TLN1: variants seen among roughly 807,000 people sequenced by gnomAD.
TLN1 encodes talin-1.
A neutral mutation model predicts 292.3 loss-of-function variants in TLN1; 56 were observed. The ratio of observed to expected loss-of-function variants is 0.19; its 90% CI spans 0.15 to 0.24. The LOEUF (loss-of-function observed/expected upper bound fraction) is 0.24. Among genes scored for constraint, TLN1 ranks in the 10% least tolerant of loss-of-function variants. TLN1 has a pLI of 1.00. For synonymous variants in TLN1, 1,119 were observed against 1,253.7 expected, an observed-to-expected ratio of 0.89 and a Z score of 2.27; for missense variants, 2,433 against 3,248.2, an observed-to-expected ratio of 0.75 and a Z score of 6.10.
Position 35,719,474 on chromosome 9 carries a change from AC to A in TLN1, c.1687+44del. ...CACATGCATGCCTGTGCACACTTGCACCCCCTCTCCCCATCACACACCCGGA... is the reference window on the plus strand; with the variant it reads ...CACATGCATGCCTGTGCACACTTGCACCCCTCTCCCCATCACACACCCGGA... On this transcript the variant is annotated intron_variant, in intron 15 of 56. Transcript: ENST00000314888. This position sits in a 1 kb window ranked among gnomAD's most constrained non-coding sequence, Gnocchi z 4.6. 1 of 1,550,892 alleles carries A rather than the reference AC, an allele frequency of 6.4e-7. No individual in the cohort carries two copies. Among genetic ancestry groups the A allele is most frequent in the Non-Finnish European group, 8.9e-7 (1 of 1,123,664 alleles).
Position 35,706,849 on chromosome 9 carries a change from G to C in TLN1, c.5007C>G (p.Asn1669Lys). The C allele has an allele frequency of 6.2e-7, 1 of 1,614,036 alleles. No homozygotes were observed. Among genetic ancestry groups the C allele is most frequent in the Non-Finnish European group, 8.5e-7 (1 of 1,180,034 alleles). Reference sequence around the variant, plus strand: ...CCTGGTCTAGGTCCCGTAGACAACTGTTCAGAGCTGCAATGGCCGTTTCAC... The same window carrying C: ...CCTGGTCTAGGTCCCGTAGACAACTCTTCAGAGCTGCAATGGCCGTTTCAC... ...LECETAIAAL[N>K]SCLRDLDQAS... The change falls in exon 38 of 57, where the codon AAC (asparagine) becomes AAG (lysine). Residue 1669 changes from asparagine to lysine, a missense_variant. Physicochemically the swap from Asn to Lys is moderately conservative, Grantham distance 94. Around this residue, in one of 7 missense-constraint regions of TLN1, gnomAD observed 1,384 missense variants for 1,699.6 expected, o/e 0.81. Coordinates refer to ENST00000314888, the MANE Select transcript of TLN1 (RefSeq NM_006289.4). The surrounding 1 kb of genome is among the most constrained non-coding windows in gnomAD (Gnocchi z 4.2).
At chr9:35,723,111 T>A (rs1025727691) in intron 7 of TLN1, 190 bp from the exon 8 acceptor site, 2 of 475,326 alleles carry the variant, frequency 4.2e-6, no homozygotes, top group Non-Finnish European at 7.6e-6. Flanking sequence ...CTCTTCTTTT[T>A]TTTTTTTGAG....
chr9:35,724,892 G>A lies in TLN1; in HGVS notation c.296C>T (p.Thr99Met). The A allele has an allele frequency of 1.9e-6, 3 of 1,614,158 alleles. No individual in the cohort carries two copies. Among genetic ancestry groups the A allele is most frequent in the Non-Finnish European group, 2.5e-6 (3 of 1,180,032 alleles). ...KIRMLDGTVK[T>M]IMVDDSKTVT... ...AGTCTTAGAGTCATCCACCATGATC[G>A]TCTTCACAGTTCCATCCAGCATACG... The change falls in exon 4 of 57, where the codon ACG becomes ATG. Residue 99 changes from threonine (T) to methionine (M), a missense_variant. Thr to Met is a moderately conservative substitution (Grantham distance 81). Transcript: ENST00000314888. The surrounding 1 kb of genome is among the most constrained non-coding windows in gnomAD (Gnocchi z 4.7).
In TLN1 at chr9:35,717,224, G is replaced by A. The variant is rs755683252; in HGVS notation, c.2380C>T (p.Pro794Ser). The part of the protein sequence containing the change: ...HVKAHATGAG[P>S]AGRYDQATDT... The stretch of plus-strand genomic sequence containing the variant: ...GTAGCCTGGTCATAACGGCCAGCAG[G>A]CCCAGCCCCTGTGGCATGGGCTTTC... The change falls in exon 19 of 57, where the codon CCT becomes TCT. Residue 794 changes from proline to serine, a missense_variant. Physicochemically the swap from Pro to Ser is moderately conservative, Grantham distance 74 (BLOSUM62 -1). Transcript: ENST00000314888. This position sits in a 1 kb window ranked among gnomAD's most constrained non-coding sequence, Gnocchi z 4.7. 1.2e-6 allele frequency: 2 copies of A among 1,614,116 alleles called. No homozygotes were observed. The highest frequency in any genetic ancestry group is 2.2e-5 in the South Asian group (2 of 91,088).
Position 35,719,632 on chromosome 9 carries a change from AAG to A in TLN1, c.1579-7_1579-6del, listed in dbSNP as rs752353207. Reference sequence around the variant, plus strand: ...TTTACGCCAGGCCTTAGAGGCCTGAAAGAGAGAGGAAAAGCCTTCAGGATCTG... The same window carrying A: ...TTTACGCCAGGCCTTAGAGGCCTGAAAGAGAGGAAAAGCCTTCAGGATCTG... On this transcript the variant is annotated splice_polypyrimidine_tract_variant and splice_region_variant and intron_variant, in intron 14 of 56. Coordinates refer to ENST00000314888, the MANE Select transcript of TLN1 (RefSeq NM_006289.4). This position sits in a 1 kb window ranked among gnomAD's most constrained non-coding sequence, Gnocchi z 4.6. The A allele has an allele frequency of 1.2e-5, 19 of 1,613,632 alleles. No individual in the cohort carries two copies. In the Admixed American group the frequency reaches 2.2e-4, roughly 18 times the overall value.
At chr9:35,730,956 G>A (rs1826067606) in intron 1 of TLN1, among the ~76,000 whole-genome samples, 1 of 152,030 alleles carries the variant, frequency 6.6e-6, no homozygotes, top group South Asian at 2.1e-4. Context: ...TGTACATCCT[G>A]GGTCCCTATT....
At chr9:35,703,386 G>C (rs964508952) in intron 48 of TLN1, among the ~76,000 whole-genome samples, 174 bp downstream of exon 48, 1 of 152,178 alleles carries the variant, frequency 6.6e-6, no homozygotes, top group Non-Finnish European at 1.5e-5. Flanking sequence ...GGGCTGAGAA[G>C]GCTGGAGGAG....
chr9:35,702,585 C>T (rs756753915), intron 48 of TLN1, among the ~76,000 whole-genome samples: 2 of 152,050 alleles, frequency 1.3e-5, no homozygotes, highest in African/African-American at 2.4e-5. Context: ...CTCTGCCTCC[C>T]GGGTTCCAGC....
At position 35,719,565 on chromosome 9, in the gene TLN1, T is replaced by C. The variant is rs760115929; in HGVS notation, c.1641A>G (p.Val547=). The change falls in exon 15 of 57, where the codon GTA becomes GTG. Residue 547 remains valine, a synonymous_variant. Coordinates refer to ENST00000314888, the MANE Select transcript of TLN1 (RefSeq NM_006289.4). The surrounding 1 kb of genome is among the most constrained non-coding windows in gnomAD (Gnocchi z 4.6). ...ACGCAGTACCAGCTGTGATGGCATC[T>C]ACCTGAGAGTGGATCTCATGCTTTG... is the stretch of plus-strand genomic sequence containing the variant. ...DESKHEIHSQ[V]DAITAGTASV... The C allele has an allele frequency of 2.5e-6, 4 of 1,614,238 alleles. No individual in the cohort carries two copies. Among genetic ancestry groups the C allele is most frequent in the Non-Finnish European group, 3.4e-6 (4 of 1,180,042 alleles).
At position 35,698,323 on chromosome 9, in the gene TLN1, C is replaced by T. The variant is rs1279744162; in HGVS notation, c.7371G>A (p.Gln2457=). ...CAATGGGATGGGTCAGGGTTCTCAC[C>T]TGAAGTCGTTTCATTGCCTCCGAGT... The part of the protein sequence containing the change: ...DQDSEAMKRL[Q]AAGNAVKRAS... Residue 2457 remains glutamine (Q), a splice_region_variant and synonymous_variant, in exon 55 of 57, where the codon CAG becomes CAA. Transcript: ENST00000314888. The surrounding 1 kb of genome is among the most constrained non-coding windows in gnomAD (Gnocchi z 5.3). 6.2e-7 allele frequency: 1 copy of T among 1,613,956 alleles called. No individual in the cohort carries two copies. Among genetic ancestry groups the T allele is most frequent in the African/African-American group, 1.3e-5 (1 of 74,926 alleles).
chr9:35,709,886 C>CAAAAAAAAAA (rs546437173), intron 33 of TLN1, among the ~76,000 whole-genome samples: 3 of 12,848 alleles, frequency 2.3e-4, no homozygotes, highest in African/African-American at 6.3e-4. Flanking sequence ...AACTCGGTCT[C>CAAAAAAAAAA]AAAAAAAAAA....
At position 35,716,455 on chromosome 9, in the gene TLN1, G is replaced by A. The variant is rs746443647; in HGVS notation, c.2560C>T (p.Arg854Cys). Reference protein sequence around the residue: ...AEGESDLENSRKLLSAAKILA... With the variant: ...AEGESDLENSCKLLSAAKILA... ...ATCTTGGCAGCACTTAAGAGCTTGC[G>A]GGAGTTCTCCAGATCACTTTCCCCC... is the stretch of plus-strand genomic sequence containing the variant. The change falls in exon 20 of 57, where the codon CGC (arginine) becomes TGC (cysteine). Residue 854 changes from arginine (R) to cysteine (C), a missense_variant. Physicochemically the swap from Arg to Cys is radical, Grantham distance 180. Coordinates refer to ENST00000314888, the MANE Select transcript of TLN1 (RefSeq NM_006289.4). 1.1e-5 allele frequency: 18 copies of A among 1,614,066 alleles called. No individual in the cohort carries two copies. The highest frequency in any genetic ancestry group is 6.7e-5 in the African/African-American group (5 of 74,922).
In TLN1 at chr9:35,705,857, G is replaced by A. The variant is rs200354770; in HGVS notation, c.5512-6C>T. 9 of 1,614,070 alleles carry A rather than the reference G, an allele frequency of 5.6e-6. No homozygotes were observed. The East Asian group carries it at 6.7e-5, about 12-fold the overall frequency. ...CCCATTGGTCCTTCATCTAGCTGAG[G>A]GGGGAGGATAGGGAAAGGGAAAGAC... On this transcript the variant is annotated splice_region_variant and splice_polypyrimidine_tract_variant and intron_variant, in intron 41 of 56. Coordinates refer to ENST00000314888, the MANE Select transcript of TLN1 (RefSeq NM_006289.4).
chr9:35,716,603 G>A (rs772972002), intron 19 of TLN1, 47 bp from the exon 20 acceptor site: 41 of 1,596,324 alleles, frequency 2.6e-5, no homozygotes, highest in Middle Eastern at 1.8e-4. Flanking sequence ...AGACACTGAG[G>A]TGTCAGGGGT....
In TLN1 at chr9:35,720,520, G is replaced by A. The variant is rs778268797; in HGVS notation, c.1207-11C>T. The A allele has an allele frequency of 8.7e-6, 14 of 1,612,978 alleles. No homozygotes were observed. Among genetic ancestry groups the A allele is most frequent in the Non-Finnish European group, 8.5e-6 (10 of 1,179,518 alleles). ...ATCCTTGCTTTTTTTCTGTAGGAAG[G>A]AAAAAGGAACAAGAGTTGGGATAGT... On this transcript the variant is annotated splice_polypyrimidine_tract_variant and intron_variant, in intron 11 of 56. Coordinates refer to ENST00000314888, the MANE Select transcript of TLN1 (RefSeq NM_006289.4).
chr9:35,714,407 C>T lies in TLN1; in HGVS notation c.2986-34G>A, dbSNP rs766589265. The stretch of plus-strand genomic sequence containing the variant: ...GAATAGGCAGGTGGATGAAGTGTGC[C>T]ATCCTCCCTCTGGGCTTGGGTACAA... On this transcript the variant is annotated intron_variant, in intron 23 of 56. Coordinates refer to ENST00000314888, the MANE Select transcript of TLN1 (RefSeq NM_006289.4). This position sits in a 1 kb window ranked among gnomAD's most constrained non-coding sequence, Gnocchi z 4.6. The T allele has an allele frequency of 5.7e-6, 9 of 1,589,902 alleles. No homozygotes were observed. In the East Asian group the frequency reaches 1.8e-4, roughly 32 times the overall value.
rs1449844500 is a variant in TLN1 at position 35,720,030 on chromosome 9, G to A, written c.1464+9C>T. 2 of 1,579,394 alleles carry A rather than the reference G, an allele frequency of 1.3e-6. No individual in the cohort carries two copies. The highest frequency in any genetic ancestry group is 1.7e-6 in the Non-Finnish European group (2 of 1,161,916). ...GGCCCTGGCACCGTGGTGGAAGTGG[G>A]ACACTTACCAGAGGAGGCATGTGTC... On this transcript the variant is annotated intron_variant, in intron 13 of 56. Transcript: ENST00000314888.
intron 7 of TLN1, 119 bp downstream of exon 7, chr9:35,723,833 C>T: frequency 1.3e-6 from 2 of 1,506,518 alleles, no homozygotes; most frequent in Non-Finnish European, 1.8e-6. Flanking sequence ...GTTGGTCAAA[C>T]CCTGGTACCT....
At chr9:35,710,516 A>G (rs765200251) in intron 33 of TLN1, 45 bp downstream of exon 33, 1 of 1,587,840 alleles carries the variant, frequency 6.3e-7, no homozygotes, top group South Asian at 1.1e-5. Context: ...AAAATGGGGT[A>G]AAGAAAGTAG....
Sources: gnomAD v4.1 joint callset for allele counts (sites outside exome capture counted in the v4.1 genomes callset) on GRCh38, gnomAD v4.1.1 for gene constraint, gnomAD v4.1.1 regional missense constraint, Gnocchi (gnomAD v3.1) non-coding constraint, MANE v1.5 for transcripts, NCBI Gene and HGNC (gene_info 2026-07-23, HGNC 2026-07-21) for gene names.